The following ACSM3 variants were observed in gnomAD, a reference collection of about 807,000 sequenced individuals.
ACSM3 encodes acyl-coenzyme A synthetase ACSM3, mitochondrial.
Under a neutral mutation model 74.1 loss-of-function variants are expected in ACSM3, and 61 were observed. That is an observed-to-expected ratio of 0.82 (90% CI 0.67 to 1.02). The LOEUF is 1.02. Among genes scored for constraint, ACSM3 ranks in the 50% least tolerant of loss-of-function variants. ACSM3 has a pLI of 0.00. For missense variants in ACSM3, 660 were observed against 697.0 expected, an observed-to-expected ratio of 0.95 and a Z score of 0.60; for synonymous variants, 213 against 241.5, an observed-to-expected ratio of 0.88 and a Z score of 1.09.
chr16:20,691,003 CT>C, intron 1 of ACSM3: 1 of 1,609,132 alleles, frequency 6.2e-7, no homozygotes, highest in Non-Finnish European at 8.5e-7. Context: ...TTACCTTCTC[CT>C]TTTGAGCCCA....
chr16:20,722,686 C>G (rs1231473372), intron 1 of ACSM3, among the ~76,000 whole-genome samples: 1 of 152,126 alleles, frequency 6.6e-6, no homozygotes, highest in Non-Finnish European at 1.5e-5. Flanking sequence ...CAAGAGGTTA[C>G]AAGATTCCAC....
rs1555486873 is a variant in ACSM3 at position 20,779,435 on chromosome 16, A to AAAAG, written c.639-1276_639-1275insGAAA. On this transcript the variant is annotated intron_variant, in intron 4 of 13. Transcript: ENST00000289416. ...AGAGAAACCCTGTCTCAAAAAAAAA[A>AAAAG]AAAAGAAAAGAAAAGAAAAGAAAGA... Among the ~76,000 whole-genome samples the AAAAG allele has an allele frequency of 2.0e-4, 31 of 151,630 alleles. No individual in the cohort carries two copies. In the East Asian group the frequency reaches 4.5e-3, roughly 22 times the overall value.
chr16:20,706,631 A>G (rs1481952670), intron 1 of ACSM3, among the ~76,000 whole-genome samples: 1 of 152,174 alleles, frequency 6.6e-6, no homozygotes, highest in Admixed American at 6.5e-5. Flanking sequence ...AGATTTGGAA[A>G]TGGCCCCATC....
intron 1 of ACSM3, among the ~76,000 whole-genome samples, chr16:20,702,468 T>C (rs1343383252): frequency 6.6e-6 from 1 of 152,212 alleles, no homozygotes; most frequent in African/African-American, 2.4e-5. Context: ...CATCTTGGCC[T>C]CCCAAATGTT....
chr16:20,723,351 C>T (rs2079792778), intron 1 of ACSM3, among the ~76,000 whole-genome samples: 1 of 152,140 alleles, frequency 6.6e-6, no homozygotes, highest in Non-Finnish European at 1.5e-5. Context: ...CATACGTGTG[C>T]ATGTGTCTTT....
chr16:20,746,315 C>T (rs1445680502), intron 1 of ACSM3, among the ~76,000 whole-genome samples: 1 of 152,114 alleles, frequency 6.6e-6, no homozygotes, highest in Non-Finnish European at 1.5e-5. Flanking sequence ...GTATCCATCC[C>T]TCAGTCTGAT....
chr16:20,719,541 G>GT (rs2079778269), intron 1 of ACSM3, among the ~76,000 whole-genome samples: 1 of 152,174 alleles, frequency 6.6e-6, no homozygotes, highest in South Asian at 2.1e-4. Context: ...CTTTTGAAAT[G>GT]TGTTTAACAG....
chr16:20,714,174 A>G (rs2079753158), intron 1 of ACSM3, among the ~76,000 whole-genome samples: 1 of 151,736 alleles, frequency 6.6e-6, no homozygotes, highest in Admixed American at 6.6e-5. Flanking sequence ...ATGGTGCTCC[A>G]GTTTCAGGAA....
upstream of ACSM3, among the ~76,000 whole-genome samples, chr16:20,762,822 C>T (rs1596505480): frequency 6.6e-6 from 1 of 152,186 alleles, no homozygotes; most frequent in East Asian, 1.9e-4. Flanking sequence ...TTGTACCTAA[C>T]CATGAAAGAC....
chr16:20,745,367 C>T (rs1179371675), intron 1 of ACSM3, among the ~76,000 whole-genome samples: 1 of 152,106 alleles, frequency 6.6e-6, no homozygotes, highest in African/African-American at 2.4e-5. Flanking sequence ...GGGTAGATCA[C>T]TTGAGGCCAG....
At chr16:20,779,421 G>A (rs2080303184) in intron 4 of ACSM3, among the ~76,000 whole-genome samples, 1 of 77,474 alleles carries the variant, frequency 1.3e-5, no homozygotes, top group Non-Finnish European at 3.2e-5. Context: ...GAGAAACCCT[G>A]TCTCAAAAAA....
chr16:20,786,192 A>G (rs1468166195), intron 9 of ACSM3, 34 bp downstream of exon 9: 2 of 1,606,728 alleles, frequency 1.2e-6, no homozygotes, highest in Non-Finnish European at 1.7e-6. Context: ...AATGTTTAAC[A>G]ACCCAATCTG....
intron 1 of ACSM3, among the ~76,000 whole-genome samples, chr16:20,705,356 G>C (rs952263685): frequency 4.2e-5 from 6 of 143,036 alleles, no homozygotes; most frequent in African/African-American, 1.6e-4. Context: ...CTGGGCGACA[G>C]AGCGAGACTC....
At chr16:20,689,526 A>T (rs890163304) in intron 1 of ACSM3, among the ~76,000 whole-genome samples, 11 of 149,860 alleles carry the variant, frequency 7.3e-5, no homozygotes, top group East Asian at 3.9e-4. Flanking sequence ...CAGAATGGAT[A>T]AAAAAAAAAT....
At chr16:20,717,978 GA>G (rs1555481019) in intron 1 of ACSM3, among the ~76,000 whole-genome samples, 1 of 123,310 alleles carries the variant, frequency 8.1e-6, no homozygotes, top group Non-Finnish European at 1.8e-5. Context: ...AGAAGAAGAA[GA>G]AGAAGAAGAA....
At chr16:20,741,657 G>A in intron 1 of ACSM3, 1 of 1,583,306 alleles carries the variant, frequency 6.3e-7, no homozygotes, top group Middle Eastern at 1.7e-4. Flanking sequence ...GCAGCGCCGA[G>A]CGCGCTTGGC....
chr16:20,693,202 T>C (rs1392247940), intron 1 of ACSM3, among the ~76,000 whole-genome samples: 2 of 151,770 alleles, frequency 1.3e-5, no homozygotes, highest in African/African-American at 4.8e-5. Context: ...ATCTTAGTCC[T>C]CACTGCTAAT....
chr16:20,767,353 T>C (rs368703409), intron 1 of ACSM3, among the ~76,000 whole-genome samples: 1 of 58,658 alleles, frequency 1.7e-5, no homozygotes, highest in East Asian at 3.0e-4. Context: ...CCGTCTCTAC[T>C]AAAAATACAA....
rs1048316561 is a variant in ACSM3, at chr16:20,729,210, A to G, written c.-189-20700A>G. The G allele has an allele frequency of 7.2e-5, 56 of 777,924 alleles. No homozygotes were observed. In the African/African-American group the frequency reaches 9.3e-4, roughly 13 times the overall value. The allele number at this position is 777,924 out of a possible 1,614,324, so 48.2% of individuals were successfully genotyped here. On this transcript the variant is annotated intron_variant, in intron 1 of 3. Transcript: ENST00000561584. ...CTGTTCTGACCAAACTAATCCCCAA[A>G]TGTCATCTTTGATTCCTAGGACAGT...
Sources: allele counts gnomAD v4.1 joint callset (sites outside exome capture counted in the v4.1 genomes callset), GRCh38; gene constraint gnomAD v4.1.1; transcripts MANE v1.5; gene names NCBI Gene and HGNC (gene_info 2026-07-23, HGNC 2026-07-21).